Variants in ZNF575 observed in about 807,000 individuals in gnomAD.
ZNF575 encodes zinc finger protein 575.
A neutral mutation model predicts 17.5 loss-of-function variants in ZNF575; 17 were observed. The ratio of observed to expected loss-of-function variants is 0.97; its 90% CI spans 0.66 to 1.45. The LOEUF is 1.45. ZNF575 is among the 40% of genes most tolerant of loss of function. The probability of loss-of-function intolerance (pLI) is 0.00; values close to 1 mark genes in which losing one functional copy is unlikely to be tolerated. For missense variants in ZNF575, 352 were observed against 359.2 expected, an observed-to-expected ratio of 0.98 and a Z score of 0.16; for synonymous variants, 146 against 158.3, an observed-to-expected ratio of 0.92 and a Z score of 0.58.
At chr19:43,532,729 C>A (rs1309985110), upstream of ZNF575, among the ~76,000 whole-genome samples, 3 of 152,184 alleles carry the variant, frequency 2.0e-5, no homozygotes, top group Admixed American at 1.3e-4. Flanking sequence ...CGCCACTGCT[C>A]GGGAAGAATG....
upstream of ZNF575, chr19:43,533,169 C>G (rs376146318): frequency 3.3e-4 from 50 of 152,270 alleles, 1 homozygote; most frequent in African/African-American, 1.2e-3. Context: ...ACCGGCGGTG[C>G]ACTTTCTGTC....
upstream of ZNF575, among the ~76,000 whole-genome samples, chr19:43,531,319 C>T (rs528167124): frequency 9.0e-4 from 137 of 151,860 alleles, no homozygotes; most frequent in African/African-American, 3.2e-3. Context: ...CACAGTGGCT[C>T]ACCCCTGTAA....
At position 43,535,095 on chromosome 19, in the gene ZNF575, C is replaced by G; in HGVS notation, c.146C>G (p.Ser49Trp). ...SAPGPTASAG[S>W]PPRPRRRPPP... The stretch of plus-strand genomic sequence containing the variant: ...CCAGGGCCCACCGCGTCCGCGGGCT[C>G]GCCTCCCCGGCCTCGCCGGCGGCCC... The change falls in exon 4 of 4, where the codon TCG (serine) becomes TGG (tryptophan). Residue 49 changes from serine to tryptophan, a missense_variant. By Grantham distance (177) the Ser-to-Trp change is radical. Transcript: ENST00000314228. The G allele has an allele frequency of 6.7e-7, 1 of 1,502,256 alleles. No homozygotes were observed. Among genetic ancestry groups the G allele is most frequent in the Non-Finnish European group, 8.8e-7 (1 of 1,132,708 alleles). 93.1% of individuals were successfully genotyped at this position (1,502,256 alleles called of 1,614,324 possible).
In ZNF575 at chr19:43,535,566, G is replaced by T. The variant is rs1972408485; in HGVS notation, c.617G>T (p.Gly206Val). 3 of 1,613,820 alleles carry T rather than the reference G, an allele frequency of 1.9e-6. No individual in the cohort carries two copies. The highest frequency in any genetic ancestry group is 1.7e-6 in the Non-Finnish European group (2 of 1,179,958). Residue 206 changes from glycine (G) to valine (V), a missense_variant, in exon 4 of 4, where the codon GGC becomes GTC. Coordinates refer to ENST00000314228, the MANE Select transcript of ZNF575 (RefSeq NM_174945.3). ...TGTCACGACCCCCCAACCGCGCCCG[G>T]CAGCCAGGCGACTGCCTGGCACCGA... ...RLCHDPPTAP[G>V]SQATAWHRCS...
chr19:43,534,863 G>A (rs1972391753), intron 3 of ZNF575, among the ~76,000 whole-genome samples, 166 bp from the exon 4 acceptor site: 1 of 152,110 alleles, frequency 6.6e-6, no homozygotes. Context: ...TGACGCCTGG[G>A]GGGAGGGGGG....
Position 43,535,543 on chromosome 19 carries a change from T to A in ZNF575, c.594T>A (p.Cys198Ter), listed in dbSNP as rs962086291. Reference sequence around the variant, plus strand: ...CCAAGCTGGCCGCCCATCGCCTATGTCACGACCCCCCAACCGCGCCCGGCA... The same window carrying A: ...CCAAGCTGGCCGCCCATCGCCTATGACACGACCCCCCAACCGCGCCCGGCA... The part of the protein sequence containing the change: ...FPSKLAAHRL[C>*]HDPPTAPGSQ... The change falls in exon 4 of 4, where the codon TGT becomes TGA. Residue 198 changes from cysteine (C) to a stop codon, truncating the protein, a stop_gained. Coordinates refer to ENST00000314228, the MANE Select transcript of ZNF575 (RefSeq NM_174945.3). LOFTEE classifies it high-confidence loss of function. The A allele has an allele frequency of 6.2e-7, 1 of 1,613,796 alleles. No homozygotes were observed. The highest frequency in any genetic ancestry group is 8.5e-7 in the Non-Finnish European group (1 of 1,179,956).
rs1972371897 is a variant in ZNF575, at chr19:43,533,535, G to GGTTC, written c.-195+16_-195+19dup. 6.6e-6 allele frequency: 1 copy of GGTTC among 152,166 alleles called. No homozygotes were observed. The highest frequency in any genetic ancestry group is 2.1e-4 in the South Asian group (1 of 4,824). 9.4% of individuals were successfully genotyped at this position (152,166 alleles called of 1,614,324 possible). On this transcript the variant is annotated intron_variant, in intron 1 of 3. Coordinates refer to ENST00000314228, the MANE Select transcript of ZNF575 (RefSeq NM_174945.3). ...GCCGTCCTGCAGGTGAGGGCGCAGG[G>GGTTC]GTTCGGGCGCGGATATTGGCTTGCA...
At chr19:43,532,283 C>T (rs1972355033), upstream of ZNF575, among the ~76,000 whole-genome samples, 1 of 152,122 alleles carries the variant, frequency 6.6e-6, no homozygotes, top group South Asian at 2.1e-4. Context: ...TCCACCTCCG[C>T]CTCCCAAAGT....
In ZNF575 at chr19:43,535,056, C is replaced by G; in HGVS notation, c.107C>G (p.Pro36Arg). The G allele has an allele frequency of 6.7e-7, 1 of 1,486,680 alleles. No individual in the cohort carries two copies. Among genetic ancestry groups the G allele is most frequent in the Non-Finnish European group, 8.9e-7 (1 of 1,128,704 alleles). The allele number at this position is 1,486,680 out of a possible 1,614,324, so 92.1% of individuals were successfully genotyped here. A position where few individuals can be genotyped will look rare whatever the true frequency, so the allele number is the denominator to read the frequency against. ...EAPHQGPPQK[P>R]SQSAPGPTAS... ...CCCCACCAGGGCCCACCGCAGAAGC[C>G]CAGCCAGTCAGCTCCAGGGCCCACC... The change falls in exon 4 of 4, where the codon CCC becomes CGC. Residue 36 changes from proline (P) to arginine (R), a missense_variant. Coordinates refer to ENST00000314228, the MANE Select transcript of ZNF575 (RefSeq NM_174945.3).
At chr19:43,531,819 T>C (rs1313676857), upstream of ZNF575, 1 of 690,142 alleles carries the variant, frequency 1.4e-6, no homozygotes, top group Non-Finnish European at 2.6e-6. Flanking sequence ...GGGGTATCAC[T>C]CTGTTGCGCA....
intron 3 of ZNF575, 24 bp from the exon 4 acceptor site, chr19:43,535,005 C>G: frequency 1.4e-6 from 2 of 1,408,584 alleles, no homozygotes; most frequent in Non-Finnish European, 9.1e-7. Flanking sequence ...CTTCCTGGAG[C>G]CCACCAGCCC....
At position 43,534,356 on chromosome 19, in the gene ZNF575, A is replaced by G; in HGVS notation, c.-67A>G. The G allele has an allele frequency of 1.4e-6, 2 of 1,467,158 alleles. No individual in the cohort carries two copies. The highest frequency in any genetic ancestry group is 2.8e-5 in the African/African-American group (2 of 71,094). 90.9% of individuals were successfully genotyped at this position (1,467,158 alleles called of 1,614,324 possible). On this transcript the variant is annotated 5_prime_UTR_variant, in exon 3 of 4. Transcript: ENST00000314228. ...TTTTAGGCCCTCCAACCCTATCCCC[A>G]TCAGCCTGGTCATCACCGGCGTCAC...
At chr19:43,532,218 G>A (rs555594835), upstream of ZNF575, among the ~76,000 whole-genome samples, 58 of 151,892 alleles carry the variant, frequency 3.8e-4, no homozygotes, top group Admixed American at 6.6e-4. Context: ...TAGTAGAGAC[G>A]GGTTTTCACC....
At position 43,534,347 on chromosome 19, in the gene ZNF575, C is replaced by A; in HGVS notation, c.-76C>A. The A allele has an allele frequency of 1.4e-6, 2 of 1,406,718 alleles. No homozygotes were observed. The highest frequency in any genetic ancestry group is 2.0e-6 in the Non-Finnish European group (2 of 1,024,228). 87.1% of individuals were successfully genotyped at this position (1,406,718 alleles called of 1,614,324 possible). A position where few individuals can be genotyped will look rare whatever the true frequency, so the allele number is the denominator to read the frequency against. On this transcript the variant is annotated 5_prime_UTR_variant, in exon 3 of 4. Transcript: ENST00000314228. The stretch of plus-strand genomic sequence containing the variant: ...GATCCCTCATTTTAGGCCCTCCAAC[C>A]CTATCCCCATCAGCCTGGTCATCAC...
Position 43,535,729 on chromosome 19 carries a change from G to C in ZNF575, c.*42G>C. On this transcript the variant is annotated 3_prime_UTR_variant, in exon 4 of 4. Coordinates refer to ENST00000314228, the MANE Select transcript of ZNF575 (RefSeq NM_174945.3). ...CTGTCCCCTTCTGCCGCCAGCCCTA[G>C]CCAGTAAGAGGTGGGATTTCTAAGA... 6.5e-7 allele frequency: 1 copy of C among 1,530,596 alleles called. No homozygotes were observed. Among genetic ancestry groups the C allele is most frequent in the Non-Finnish European group, 8.8e-7 (1 of 1,137,528 alleles). 94.8% of individuals were successfully genotyped at this position (1,530,596 alleles called of 1,614,324 possible). A position where few individuals can be genotyped will look rare whatever the true frequency, so the allele number is the denominator to read the frequency against.
chr19:43,535,689 C>A lies in ZNF575; in HGVS notation c.*2C>A. On this transcript the variant is annotated 3_prime_UTR_variant, in exon 4 of 4. Coordinates refer to ENST00000314228, the MANE Select transcript of ZNF575 (RefSeq NM_174945.3). ...GAGCACAAGGGGGAGAGAGACTGAG[C>A]CCTCCCTTGGCTCACTGTCCCCTTC... 1.3e-6 allele frequency: 2 copies of A among 1,598,848 alleles called. No individual in the cohort carries two copies. Among genetic ancestry groups the A allele is most frequent in the Non-Finnish European group, 8.5e-7 (1 of 1,172,762 alleles).
chr19:43,535,970 G>A lies in ZNF575; in HGVS notation c.*283G>A, dbSNP rs1024783094. 20 of 440,820 alleles carry A rather than the reference G, an allele frequency of 4.5e-5. No individual in the cohort carries two copies. Among genetic ancestry groups the A allele is most frequent in the Non-Finnish European group, 3.7e-5 (9 of 244,646 alleles). The allele number at this position is 440,820 out of a possible 1,614,324, so 27.3% of individuals were successfully genotyped here. A position where few individuals can be genotyped will look rare whatever the true frequency, so the allele number is the denominator to read the frequency against. On this transcript the variant is annotated 3_prime_UTR_variant, in exon 4 of 4. Transcript: ENST00000314228. ...CAAAGGTAAAAAGTCTGCTACTATC[G>A]TGGGTTGATGAGGATTGTGGGCAAA...
chr19:43,533,061 A>G (rs923950019), upstream of ZNF575: 1 of 152,080 alleles, frequency 6.6e-6, no homozygotes, highest in Non-Finnish European at 1.5e-5. Context: ...AAGAAGAGGG[A>G]CATTAAAAAG....
upstream of ZNF575, chr19:43,531,791 C>CTT: frequency 3.0e-6 from 2 of 662,642 alleles, no homozygotes. Context: ...ATTTTAAAAA[C>CTT]TTTTTTTTTA....
Sources: allele counts gnomAD v4.1 joint callset (sites outside exome capture counted in the v4.1 genomes callset), GRCh38; gene constraint gnomAD v4.1.1; transcripts MANE v1.5; gene names NCBI Gene and HGNC (gene_info 2026-07-23, HGNC 2026-07-21).